Variants in NPRL3 observed in about 807,000 individuals in gnomAD.
NPRL3 encodes the protein GATOR1 complex protein NPRL3.
NPRL3 carries 23 observed loss-of-function variants against 57.2 expected under a neutral mutation model. The ratio of observed to expected loss-of-function variants is 0.40; its 90% CI spans 0.29 to 0.57. The LOEUF is 0.57. NPRL3 is among the 20% of genes least tolerant of loss of function. The probability of loss-of-function intolerance (pLI) is 0.42; values close to 1 mark genes in which losing one functional copy is unlikely to be tolerated. For synonymous variants in NPRL3, 333 were observed against 321.1 expected (o/e 1.04, Z -0.39); for missense variants, 691 against 767.1 (o/e 0.90, Z 1.17).
intron 5 of NPRL3, among the ~76,000 whole-genome samples, chr16:113,156 A>G (rs1048241548): frequency 6.6e-5 from 10 of 152,138 alleles, no homozygotes; most frequent in Non-Finnish European, 1.3e-4. Flanking sequence ...CAAACTAAGA[A>G]CAGAACCTGC....
At position 138,345 on chromosome 16, in the gene NPRL3, CGGAGCCGGAGGCGGAGGGGGCCTGAGG is replaced by C. The variant is rs1901226652; in HGVS notation, c.-67-38_-67-12del. 1 of 1,052,546 alleles carries C rather than the reference CGGAGCCGGAGGCGGAGGGGGCCTGAGG, an allele frequency of 9.5e-7. No individual in the cohort carries two copies. Among genetic ancestry groups the C allele is most frequent in the Non-Finnish European group, 1.3e-6 (1 of 760,480 alleles). The allele number at this position is 1,052,546 out of a possible 1,614,324, so 65.2% of individuals were successfully genotyped here. A position where few individuals can be genotyped will look rare whatever the true frequency, so the allele number is the denominator to read the frequency against. On this transcript the variant is annotated splice_polypyrimidine_tract_variant and intron_variant, in intron 1 of 13. Transcript: ENST00000611875. ...GGAGGCGGAGGGGGCCTGAGGAGGA[CGGAGCCGGAGGCGGAGGGGGCCTGAGG>C]AGGACGAGGCGGGGACGCAGGGGGC...
In NPRL3 at chr16:119,232, G is replaced by T; in HGVS notation, c.212C>A (p.Thr71Lys). 6.2e-7 allele frequency: 1 copy of T among 1,610,040 alleles called. No homozygotes were observed. The highest frequency in any genetic ancestry group is 8.5e-7 in the Non-Finnish European group (1 of 1,178,012). ...DSRFSDVILA[T>K]ILATKSEMCG... ...CATTTCAGACTTGGTTGCCAAAATT[G>T]TTGCCAGAATAACATCTGAAAACCT... The change falls in exon 4 of 14, where the codon ACA becomes AAA. Residue 71 changes from threonine (T) to lysine (K), a missense_variant. Coordinates refer to ENST00000611875, the MANE Select transcript of NPRL3 (RefSeq NM_001077350.3).
At chr16:109,225 C>G (rs1899672367) in intron 7 of NPRL3, among the ~76,000 whole-genome samples, 1 of 151,464 alleles carries the variant, frequency 6.6e-6, no homozygotes, top group Non-Finnish European at 1.5e-5. Context: ...CCTCAGCCTC[C>G]CAAAGTGCTG....
At chr16:127,672 T>C (rs1320071111) in intron 3 of NPRL3, among the ~76,000 whole-genome samples, 1 of 150,540 alleles carries the variant, frequency 6.6e-6, no homozygotes, top group Non-Finnish European at 1.5e-5. Flanking sequence ...TTTTTTTTTT[T>C]GAGACGGAGT....
intron 8 of NPRL3, among the ~76,000 whole-genome samples, chr16:98,769 C>A (rs1899140759): frequency 6.6e-6 from 1 of 152,200 alleles, no homozygotes; most frequent in South Asian, 2.1e-4. Context: ...GAAACCCCAT[C>A]TCTACTAAAA....
intron 9 of NPRL3, among the ~76,000 whole-genome samples, chr16:94,574 C>T (rs1486981058): frequency 1.3e-5 from 2 of 152,244 alleles, no homozygotes; most frequent in South Asian, 2.1e-4. Flanking sequence ...TATAGTGAGA[C>T]CCTCATCTCT....
At chr16:86,937 A>G in intron 13 of NPRL3, 67 bp from the exon 14 acceptor site, 2 of 1,491,256 alleles carry the variant, frequency 1.3e-6, no homozygotes, top group East Asian at 2.3e-5. Flanking sequence ...CTGAAGAGCC[A>G]CTGCTGGGAA....
chr16:99,984 G>GAAA (rs11402477), intron 8 of NPRL3, among the ~76,000 whole-genome samples: 1 of 115,864 alleles, frequency 8.6e-6, no homozygotes, highest in African/African-American at 4.0e-5. Context: ...AAAAGAAAAA[G>GAAA]AAAAAAAAAA....
chr16:93,393 T>C, intron 9 of NPRL3, 68 bp from the exon 10 acceptor site: 4 of 1,035,426 alleles, frequency 3.9e-6, no homozygotes, highest in Non-Finnish European at 5.9e-6. Flanking sequence ...TCAGCAGCTC[T>C]CAGCCTGGGT....
intron 10 of NPRL3, 151 bp from the exon 11 acceptor site, chr16:92,876 A>C: frequency 1.1e-6 from 1 of 927,192 alleles, no homozygotes; most frequent in Non-Finnish European, 1.6e-6. Context: ...GCAGGCCTCC[A>C]GGTGGACAGA....
intron 6 of NPRL3, among the ~76,000 whole-genome samples, chr16:111,557 C>T (rs1468307955): frequency 4.0e-5 from 6 of 151,884 alleles, no homozygotes; most frequent in Admixed American, 3.9e-4. Flanking sequence ...TCAGGTGATT[C>T]TCCCACCTCA....
chr16:93,856 C>T (rs1246011691), intron 9 of NPRL3, among the ~76,000 whole-genome samples: 4 of 152,334 alleles, frequency 2.6e-5, no homozygotes, highest in South Asian at 2.1e-4. Flanking sequence ...CCACCGCACC[C>T]GGCCACAATG....
intron 5 of NPRL3, among the ~76,000 whole-genome samples, chr16:114,852 T>C (rs773865672): frequency 2.0e-5 from 3 of 151,374 alleles, no homozygotes; most frequent in Non-Finnish European, 2.9e-5. Flanking sequence ...TGCCTTGAAA[T>C]AGAGAGAGGG....
At position 93,253 on chromosome 16, in the gene NPRL3, C is replaced by A. The variant is rs367664536; in HGVS notation, c.997G>T (p.Val333Phe). ...CTGGCATTGGGAGACAGCATGTAGA[C>A]GTTGTTCTCACACAGCGGGTAGATG... is the stretch of plus-strand genomic sequence containing the variant. ...IIIYPLCENN[V>F]YMLSPNASVC... The change falls in exon 10 of 14, where the codon GTC becomes TTC. Residue 333 changes from valine (V) to phenylalanine (F), a missense_variant. Transcript: ENST00000611875. 6.4e-7 allele frequency: 1 copy of A among 1,559,258 alleles called. No individual in the cohort carries two copies. The highest frequency in any genetic ancestry group is 8.7e-7 in the Non-Finnish European group (1 of 1,151,462).
chr16:122,159 C>A (rs552350559), intron 3 of NPRL3, among the ~76,000 whole-genome samples: 1 of 151,158 alleles, frequency 6.6e-6, no homozygotes, highest in African/African-American at 2.4e-5. Context: ...TGTAATGGCG[C>A]AATCTCGGCT....
chr16:133,421 G>A (rs1372936284), intron 2 of NPRL3, among the ~76,000 whole-genome samples: 7 of 152,068 alleles, frequency 4.6e-5, no homozygotes, highest in African/African-American at 4.8e-5. Flanking sequence ...TAGCAGAGAT[G>A]GGGTTTCACC....
rs369914069 is a variant in NPRL3, at chr16:123,333, C to T, written c.189-4078G>A. 3.4e-4 allele frequency among the ~76,000 whole-genome samples: 51 copies of T among 152,164 alleles called. 2 individuals carry two copies. In the South Asian group the frequency reaches 1.0e-2, roughly 30 times the overall value. On this transcript the variant is annotated intron_variant, in intron 3 of 13. Transcript: ENST00000611875. ...CTAAATGACTGGGTAGAGAAAAAGC[C>T]GGGGTGGTGGGAAGTCTGGGCATTC...
chr16:127,908 G>C (rs765499485), intron 3 of NPRL3, among the ~76,000 whole-genome samples: 2 of 152,006 alleles, frequency 1.3e-5, no homozygotes, highest in Admixed American at 6.6e-5. Context: ...GCCCGCCTTG[G>C]CCTCCCAAAG....
chr16:92,863 C>A, intron 10 of NPRL3, 138 bp from the exon 11 acceptor site: 1 of 1,111,988 alleles, frequency 9.0e-7, no homozygotes. Flanking sequence ...GGTATGAGGC[C>A]AGGCAGGCCT....
Sources: allele counts gnomAD v4.1 joint callset (sites outside exome capture counted in the v4.1 genomes callset), GRCh38; gene constraint gnomAD v4.1.1; transcripts MANE v1.5; gene names NCBI Gene and HGNC (gene_info 2026-07-23, HGNC 2026-07-21).